MAP3K13: variants seen among roughly 807,000 people sequenced by gnomAD.
The protein encoded by MAP3K13 is mitogen-activated protein kinase kinase kinase 13.
MAP3K13 carries 52 observed loss-of-function variants against 104.0 expected under a neutral mutation model. That is an observed-to-expected ratio of 0.50 (90% CI 0.40 to 0.63). The LOEUF (loss-of-function observed/expected upper bound fraction) is 0.63. MAP3K13 is among the 20% of genes least tolerant of loss of function. The pLI is 0.00. For missense variants in MAP3K13, 914 were observed against 1,218.5 expected, an observed-to-expected ratio of 0.75 and a Z score of 3.72; for synonymous variants, 394 against 442.2, an observed-to-expected ratio of 0.89 and a Z score of 1.37.
chr3:185,294,014 T>G (rs1720834913), intron 2 of MAP3K13, among the ~76,000 whole-genome samples: 1 of 152,212 alleles, frequency 6.6e-6, no homozygotes, highest in Non-Finnish European at 1.5e-5. Context: ...CTTTTTAATT[T>G]TTTTTTACTT....
chr3:185,406,171 T>G (rs1346466916), intron 1 of MAP3K13, among the ~76,000 whole-genome samples: 1 of 152,158 alleles, frequency 6.6e-6, no homozygotes, highest in Non-Finnish European at 1.5e-5. Context: ...AAAAATTACC[T>G]AAAACAGTTT....
At chr3:185,358,404 A>C (rs1723469049), upstream of MAP3K13, among the ~76,000 whole-genome samples, 1 of 152,214 alleles carries the variant, frequency 6.6e-6, no homozygotes, top group South Asian at 2.1e-4. Flanking sequence ...TGGACAACAC[A>C]GAAGCAATAT....
chr3:185,311,014 G>C (rs1039248947), intron 2 of MAP3K13, among the ~76,000 whole-genome samples: 1 of 152,214 alleles, frequency 6.6e-6, no homozygotes, highest in Non-Finnish European at 1.5e-5. Context: ...AAGTCACTTT[G>C]AATTAAGCTA....
At chr3:185,455,665 TATG>T (rs1716604010) in intron 7 of MAP3K13, among the ~76,000 whole-genome samples, 1 of 24,828 alleles carries the variant, frequency 4.0e-5, no homozygotes, top group African/African-American at 8.6e-5. Context: ...ATGATATATA[TATG>T]ATATATATAT....
chr3:185,416,657 C>T (rs1332477590), intron 1 of MAP3K13, among the ~76,000 whole-genome samples: 1 of 152,062 alleles, frequency 6.6e-6, no homozygotes, highest in Non-Finnish European at 1.5e-5. Flanking sequence ...TTGAGACGGC[C>T]TTGCTATGTT....
chr3:185,292,928 C>T, intron 2 of MAP3K13: 1 of 984,152 alleles, frequency 1.0e-6, no homozygotes, highest in East Asian at 1.1e-4. Context: ...ATGTGACCCT[C>T]ATTTTTCTTT....
rs1319750556 is a variant in MAP3K13 at position 185,473,315 on chromosome 3, G to A, written c.1984G>A (p.Asp662Asn). 2 of 1,614,082 alleles carry A rather than the reference G, an allele frequency of 1.2e-6. No homozygotes were observed. Among genetic ancestry groups the A allele is most frequent in the African/African-American group, 1.3e-5 (1 of 74,920 alleles). Residue 662 changes from aspartate (D) to asparagine (N), a missense_variant, in exon 11 of 14, where the codon GAC becomes AAC. Transcript: ENST00000265026. This position sits in a 1 kb window ranked among gnomAD's most constrained non-coding sequence, Gnocchi z 4.9. ...HHPRLNMHGQ[D>N]IATCANNLRY... ...TCCCAGACTCAATATGCACGGACAG[G>A]ACATAGCAACCTGCGCCAACAACCT...
intron 13 of MAP3K13, chr3:185,481,330 CA>C (rs1453580327): frequency 6.6e-6 from 1 of 151,876 alleles, no homozygotes; most frequent in Non-Finnish European, 1.5e-5. Flanking sequence ...ACAACAACAA[CA>C]AAATTTAATT....
At chr3:185,430,428 T>A in intron 2 of MAP3K13, among the ~76,000 whole-genome samples, 1 of 152,176 alleles carries the variant, frequency 6.6e-6, no homozygotes, top group Non-Finnish European at 1.5e-5. Context: ...AATAGTTATT[T>A]TATCTGATCC....
At position 185,343,683 on chromosome 3, in the gene MAP3K13, C is replaced by G. The variant is rs1284355605; in HGVS notation, c.-86+58040C>G. Reference sequence around the variant, plus strand: ...GGCCAGGATGGTCTCGATCTCTTGACCTTGTGATCTGCCCGCCTTGGCCTC... The same window carrying G: ...GGCCAGGATGGTCTCGATCTCTTGAGCTTGTGATCTGCCCGCCTTGGCCTC... On this transcript the variant is annotated intron_variant, in intron 2 of 14. Transcript: ENST00000424227. 1.1e-4 allele frequency among the ~76,000 whole-genome samples: 16 copies of G among 152,274 alleles called. No individual in the cohort carries two copies. The East Asian group carries it at 2.7e-3, about 26-fold the overall frequency.
chr3:185,482,358 C>A lies in MAP3K13; in HGVS notation c.2803C>A (p.Pro935Thr), dbSNP rs764116860. Residue 935 changes from proline (P) to threonine (T), a missense_variant, in exon 14 of 14, where the codon CCC becomes ACC. Pro to Thr is a conservative substitution (Grantham distance 38). Coordinates refer to ENST00000265026, the MANE Select transcript of MAP3K13 (RefSeq NM_004721.5). The surrounding 1 kb of genome is among the most constrained non-coding windows in gnomAD (Gnocchi z 4.5). The part of the protein sequence containing the change: ...LCVEERGYEN[P>T]MQFEESDCDS... Reference sequence around the variant, plus strand: ...AGGTTTTGTCTTGCCTTTGCAGAACCCCATGCAGTTTGAAGAATCGGACTG... The same window carrying A: ...AGGTTTTGTCTTGCCTTTGCAGAACACCATGCAGTTTGAAGAATCGGACTG... The A allele has an allele frequency of 2.5e-6, 4 of 1,612,560 alleles. No individual in the cohort carries two copies. In the South Asian group the frequency reaches 4.4e-5, roughly 18 times the overall value.
intron 1 of MAP3K13, among the ~76,000 whole-genome samples, chr3:185,415,216 G>A (rs78189444): frequency 2.6e-5 from 4 of 151,788 alleles, no homozygotes; most frequent in East Asian, 3.9e-4. Context: ...GCAGTGGCGC[G>A]ATCATGGCTC....
intron 1 of MAP3K13, among the ~76,000 whole-genome samples, chr3:185,415,573 ATTTCTTTTTTT>A: frequency 8.4e-6 from 1 of 119,452 alleles, no homozygotes; most frequent in South Asian, 2.9e-4. Context: ...AGAAGGGTTA[ATTTCTTTTTTT>A]TTTTTTTTTT....
intron 2 of MAP3K13, among the ~76,000 whole-genome samples, chr3:185,331,102 T>TTTTTC (rs1250074395): frequency 1.4e-5 from 2 of 146,712 alleles, no homozygotes. Flanking sequence ...CTTTTTTTTT[T>TTTTTC]TTTTTTTTGA....
At chr3:185,294,927 T>G (rs927785557) in intron 2 of MAP3K13, among the ~76,000 whole-genome samples, 1 of 152,248 alleles carries the variant, frequency 6.6e-6, no homozygotes, top group Admixed American at 6.5e-5. Flanking sequence ...TCCTTATTTA[T>G]TTTATCATCT....
intron 2 of MAP3K13, among the ~76,000 whole-genome samples, chr3:185,344,201 A>G (rs915615431): frequency 6.6e-6 from 1 of 152,238 alleles, no homozygotes; most frequent in African/African-American, 2.4e-5. Context: ...GAAGAGGCAT[A>G]GAGGCACATG....
chr3:185,367,212 C>T (rs1054588767), intron 1 of MAP3K13, among the ~76,000 whole-genome samples: 2 of 152,070 alleles, frequency 1.3e-5, no homozygotes, highest in Non-Finnish European at 2.9e-5. Flanking sequence ...TGTCTTGGCA[C>T]CCTACCAGGG....
rs1713901512 is a variant in MAP3K13, at chr3:185,418,167, G to C, written c.-85-10330G>C. 2.5e-6 allele frequency: 4 copies of C among 1,610,608 alleles called. No individual in the cohort carries two copies. The highest frequency in any genetic ancestry group is 2.5e-6 in the Non-Finnish European group (3 of 1,178,350). ...CATTATAGATGATGCACAGGCCCCT[G>C]CGCTGGATACGGCGACGGTTTCTCA... On this transcript the variant is annotated intron_variant, in intron 1 of 13. Coordinates refer to ENST00000265026, the MANE Select transcript of MAP3K13 (RefSeq NM_004721.5). The surrounding 1 kb of genome is among the most constrained non-coding windows in gnomAD (Gnocchi z 4.5).
Position 185,482,499 on chromosome 3 carries a change from T to C in MAP3K13, c.*43T>C, listed in dbSNP as rs753958470. 6.9e-7 allele frequency: 1 copy of C among 1,439,388 alleles called. No homozygotes were observed. The highest frequency in any genetic ancestry group is 2.3e-5 in the East Asian group (1 of 43,984). The allele number at this position is 1,439,388 out of a possible 1,614,324, so 89.2% of individuals were successfully genotyped here. A position where few individuals can be genotyped will look rare whatever the true frequency, so the allele number is the denominator to read the frequency against. ...TGAAGATCTCGTGACTATACTGGCA[T>C]TTCAGATCCACCCCACCCCCAGACT... On this transcript the variant is annotated 3_prime_UTR_variant, in exon 14 of 14. Coordinates refer to ENST00000265026, the MANE Select transcript of MAP3K13 (RefSeq NM_004721.5). This position sits in a 1 kb window ranked among gnomAD's most constrained non-coding sequence, Gnocchi z 4.5.
Sources: gnomAD v4.1 joint callset for allele counts (sites outside exome capture counted in the v4.1 genomes callset) on GRCh38, gnomAD v4.1.1 for gene constraint, Gnocchi (gnomAD v3.1) non-coding constraint, MANE v1.5 for transcripts, NCBI Gene and HGNC (gene_info 2026-07-23, HGNC 2026-07-21) for gene names.